Variants in OSBPL6 observed in about 807,000 individuals in gnomAD.
OSBPL6 encodes the protein oxysterol-binding protein-related protein 6.
In OSBPL6, 49 loss-of-function variants were observed where a neutral mutation model predicts 125.8. The ratio of observed to expected loss-of-function variants is 0.39; its 90% CI spans 0.31 to 0.49. The LOEUF (loss-of-function observed/expected upper bound fraction) is 0.49. Among genes scored for constraint, OSBPL6 ranks in the 20% least tolerant of loss-of-function variants. The probability of loss-of-function intolerance (pLI) is 0.88; values close to 1 mark genes in which losing one functional copy is unlikely to be tolerated. For synonymous variants in OSBPL6, 394 were observed against 391.8 expected, an observed-to-expected ratio of 1.01 and a Z score of -0.07; for missense variants, 986 against 1,135.4, an observed-to-expected ratio of 0.87 and a Z score of 1.89.
At position 178,388,055 on chromosome 2, in the gene OSBPL6, G is replaced by A. The variant is rs545317527; in HGVS notation, c.2156+916G>A. ...GAAGAGAGTTTTCCTAGGTATATAT[G>A]GTGCCTACATCATACCAATTCATAA... On this transcript the variant is annotated intron_variant, in intron 20 of 24. Coordinates refer to ENST00000190611, the MANE Select transcript of OSBPL6 (RefSeq NM_032523.4). Among the ~76,000 whole-genome samples, 68 of 152,154 alleles carry A rather than the reference G, an allele frequency of 4.5e-4. 1 individual carries two copies. Among genetic ancestry groups the A allele is most frequent in the African/African-American group, 1.6e-3 (65 of 41,512 alleles).
At chr2:178,291,660 T>C (rs1051948295) in intron 2 of OSBPL6, among the ~76,000 whole-genome samples, 3 of 145,850 alleles carry the variant, frequency 2.1e-5, no homozygotes, top group Non-Finnish European at 3.0e-5. Flanking sequence ...TAGGAACAGG[T>C]AGTCTCTTCC....
chr2:178,360,403 A>G (rs1043249766), intron 12 of OSBPL6, among the ~76,000 whole-genome samples: 1 of 152,138 alleles, frequency 6.6e-6, no homozygotes, highest in Non-Finnish European at 1.5e-5. Context: ...AAGACGATGG[A>G]TATGTTAATT....
rs75407339 is a variant in OSBPL6 at position 178,302,025 on chromosome 2, C to A, written c.-155-4005C>A. On this transcript the variant is annotated intron_variant, in intron 2 of 24. Coordinates refer to ENST00000190611, the MANE Select transcript of OSBPL6 (RefSeq NM_032523.4). ...TGACTCATTGCAACTTAGCCCAGGG[C>A]AAGTGGTCCCCAATCTTAAGTGTTT... 8.0e-3 allele frequency among the ~76,000 whole-genome samples: 1,216 copies of A among 152,276 alleles called. 14 individuals are homozygous for A. Among genetic ancestry groups the A allele is most frequent in the African/African-American group, 0.028 (1,145 of 41,550 alleles).
At chr2:178,269,646 C>T (rs2092328052) in intron 1 of OSBPL6, among the ~76,000 whole-genome samples, 1 of 152,190 alleles carries the variant, frequency 6.6e-6, no homozygotes, top group South Asian at 2.1e-4. Context: ...TAGCATTACT[C>T]ATATTTCCAG....
rs548043548 is a variant in OSBPL6 at position 178,343,052 on chromosome 2, A to T, written c.987+3288A>T. ...ATACATATATGTATGCAGAAGACTT[A>T]TGAAGATGGAAAATAAATAAGATCG... On this transcript the variant is annotated intron_variant, in intron 11 of 24. Coordinates refer to ENST00000190611, the MANE Select transcript of OSBPL6 (RefSeq NM_032523.4). Among the ~76,000 whole-genome samples, 5 of 152,320 alleles carry T rather than the reference A, an allele frequency of 3.3e-5. No individual in the cohort carries two copies. The East Asian group carries it at 9.6e-4, about 29-fold the overall frequency.
At chr2:178,197,872 A>C (rs533379962) in intron 1 of OSBPL6, among the ~76,000 whole-genome samples, 1 of 152,190 alleles carries the variant, frequency 6.6e-6, no homozygotes, top group Non-Finnish European at 1.5e-5. Flanking sequence ...ATCACAAGAC[A>C]ATAAGCCTAC....
intron 15 of OSBPL6, among the ~76,000 whole-genome samples, chr2:178,378,362 T>C (rs1241349138): frequency 3.3e-5 from 5 of 152,208 alleles, no homozygotes; most frequent in Admixed American, 3.3e-4. Flanking sequence ...GAAATGCTTA[T>C]AATGATTATT....
At chr2:178,265,034 AT>A (rs796468758) in intron 1 of OSBPL6, among the ~76,000 whole-genome samples, 9 of 142,438 alleles carry the variant, frequency 6.3e-5, no homozygotes, top group East Asian at 6.3e-4. Flanking sequence ...GTACTGGCTG[AT>A]TTTTTTTTTC....
intron 2 of OSBPL6, among the ~76,000 whole-genome samples, chr2:178,302,655 T>C (rs529171693): frequency 6.6e-6 from 1 of 152,298 alleles, no homozygotes; most frequent in South Asian, 2.1e-4. Context: ...TTGGAATGAA[T>C]TAAGTTCTCT....
At chr2:178,275,859 T>C (rs1340776885) in intron 1 of OSBPL6, among the ~76,000 whole-genome samples, 1 of 152,288 alleles carries the variant, frequency 6.6e-6, no homozygotes, top group African/African-American at 2.4e-5. Context: ...TTTACATGCA[T>C]TAATTTGCTT....
rs914815963 is a variant in OSBPL6 at position 178,392,483 on chromosome 2, C to G, written c.2518C>G (p.Pro840Ala). 1 of 1,613,956 alleles carries G rather than the reference C, an allele frequency of 6.2e-7. No homozygotes were observed. Among genetic ancestry groups the G allele is most frequent in the African/African-American group, 1.3e-5 (1 of 74,906 alleles). ...TGCTATTGAGCTCAATGAGTTAGAT[C>G]CAGTACTAAAAGATCTCCTTCCACC... ...RFAIELNELD[P>A]VLKDLLPPTD... The change falls in exon 23 of 25, where the codon CCA becomes GCA. Residue 840 changes from proline to alanine, a missense_variant. By Grantham distance (27) the Pro-to-Ala change is conservative. Transcript: ENST00000190611.
At chr2:178,259,428 A>G (rs2091986764) in intron 1 of OSBPL6, among the ~76,000 whole-genome samples, 1 of 151,924 alleles carries the variant, frequency 6.6e-6, no homozygotes, top group Non-Finnish European at 1.5e-5. Flanking sequence ...AATTAAGTAG[A>G]AGAGAAATGA....
intron 3 of OSBPL6, among the ~76,000 whole-genome samples, chr2:178,318,133 T>A (rs1156237137): frequency 6.6e-6 from 1 of 152,248 alleles, no homozygotes; most frequent in East Asian, 1.9e-4. Context: ...TTTATTCCCA[T>A]ACCTTTTATC....
chr2:178,286,160 C>T (rs1684678284), intron 2 of OSBPL6, among the ~76,000 whole-genome samples: 2 of 152,090 alleles, frequency 1.3e-5, no homozygotes, highest in Admixed American at 1.3e-4. Context: ...AATTAATTGC[C>T]AACATTTGAA....
At chr2:178,232,045 T>C (rs1226759766) in intron 1 of OSBPL6, among the ~76,000 whole-genome samples, 1 of 152,196 alleles carries the variant, frequency 6.6e-6, no homozygotes. Context: ...ACAGGTGTTT[T>C]GCTGCTCAGA....
chr2:178,287,004 A>T (rs1684756160), intron 2 of OSBPL6, among the ~76,000 whole-genome samples: 1 of 152,162 alleles, frequency 6.6e-6, no homozygotes, highest in Admixed American at 6.5e-5. Context: ...TATTGAACCA[A>T]ATGTTTATAT....
chr2:178,268,328 C>T (rs988720292), intron 1 of OSBPL6, among the ~76,000 whole-genome samples: 12 of 152,098 alleles, frequency 7.9e-5, no homozygotes, highest in Admixed American at 3.9e-4. Context: ...GTGATCCATC[C>T]GCCTCAGCCT....
rs1209169531 is a variant in OSBPL6 at position 178,401,639 on chromosome 2, A to G, written c.*6080A>G. 6.6e-6 allele frequency: 1 copy of G among 152,230 alleles called. No individual in the cohort carries two copies. The highest frequency in any genetic ancestry group is 1.9e-4 in the East Asian group (1 of 5,200). The allele number at this position is 152,230 out of a possible 1,614,324, so 9.4% of individuals were successfully genotyped here. Reference sequence around the variant, plus strand: ...ATCTGGGGAAAAAAGTAGGTTCTCTAACTGGGGCAGGGATCTTGCTTCTTG... The same window carrying G: ...ATCTGGGGAAAAAAGTAGGTTCTCTGACTGGGGCAGGGATCTTGCTTCTTG... On this transcript the variant is annotated 3_prime_UTR_variant, in exon 25 of 25. Coordinates refer to ENST00000190611, the MANE Select transcript of OSBPL6 (RefSeq NM_032523.4).
rs1691010309 is a variant in OSBPL6, at chr2:178,349,264, C to A, written c.1028C>A (p.Ser343Tyr). 6.2e-7 allele frequency: 1 copy of A among 1,614,132 alleles called. No homozygotes were observed. Reference protein sequence around the residue: ...SATMSPVRLHSSNPNLCADIE... With the variant: ...SATMSPVRLHYSNPNLCADIE... The stretch of plus-strand genomic sequence containing the variant: ...ACCATGTCACCAGTTCGCTTGCATT[C>A]CTCCAACCCCAACCTTTGTGCAGAT... Residue 343 changes from serine to tyrosine, a missense_variant, in exon 12 of 25, where the codon TCC (serine) becomes TAC (tyrosine). By Grantham distance (144) the Ser-to-Tyr change is moderately radical. Around this residue, in one of 3 missense-constraint regions of OSBPL6, gnomAD observed 843 missense variants for 997.3 expected, o/e 0.85. Transcript: ENST00000190611.
Sources: gnomAD v4.1 joint callset for allele counts (sites outside exome capture counted in the v4.1 genomes callset) on GRCh38, gnomAD v4.1.1 for gene constraint, gnomAD v4.1.1 regional missense constraint, MANE v1.5 for transcripts, NCBI Gene and HGNC (gene_info 2026-07-23, HGNC 2026-07-21) for gene names.